The following OSBPL3 variants were observed in gnomAD, a reference collection of about 807,000 sequenced individuals.
OSBPL3 encodes the protein oxysterol-binding protein-related protein 3.
Under a neutral mutation model 120.1 loss-of-function variants are expected in OSBPL3, and 65 were observed. The observed-to-expected ratio is 0.54, with a 90% CI of 0.44 to 0.67. The LOEUF (loss-of-function observed/expected upper bound fraction) is 0.67, where lower values mean the gene tolerates loss of function less well. Ranked by LOEUF, OSBPL3 falls within the 30% of genes least tolerant of loss-of-function variation. OSBPL3 has a pLI of 0.00. For synonymous variants in OSBPL3, 416 were observed against 402.6 expected (o/e 1.03, Z -0.40); for missense variants, 1,004 against 1,082.1 (o/e 0.93, Z 1.01).
rs764592981 is a variant in OSBPL3, at chr7:24,863,835, A to G, written c.674-236T>C. ...TGAATCCACTTAATGAACTGTAACT[A>G]TTGAGAAAATTGCAAAACTGCATGC... On this transcript the variant is annotated intron_variant, in intron 7 of 22. Coordinates refer to ENST00000313367, the MANE Select transcript of OSBPL3 (RefSeq NM_015550.4). The surrounding 1 kb of genome is among the most constrained non-coding windows in gnomAD (Gnocchi z 5.8). Among the ~76,000 whole-genome samples the G allele has an allele frequency of 6.6e-6, 1 of 152,218 alleles. No individual in the cohort carries two copies. Among genetic ancestry groups the G allele is most frequent in the South Asian group, 2.1e-4 (1 of 4,838 alleles).
rs1584284656 is a variant in OSBPL3, at chr7:24,831,504, TTAAAA to T, written c.1747-604_1747-600del. 1.3e-5 allele frequency among the ~76,000 whole-genome samples: 2 copies of T among 151,758 alleles called. No homozygotes were observed. The highest frequency in any genetic ancestry group is 3.9e-4 in the East Asian group (2 of 5,188). On this transcript the variant is annotated intron_variant, in intron 15 of 22. Transcript: ENST00000313367. The surrounding 1 kb of genome is among the most constrained non-coding windows in gnomAD (Gnocchi z 4.0). ...AAAAGTGAAACATCCAAAAAAAAAA[TTAAAA>T]TAAAGAGAGGAAGGAAGAAAAACTT...
chr7:24,809,457 TC>T (rs1477707778), intron 20 of OSBPL3, among the ~76,000 whole-genome samples: 5 of 152,198 alleles, frequency 3.3e-5, no homozygotes, highest in Non-Finnish European at 5.9e-5. Flanking sequence ...TTCCTCTTTG[TC>T]CTTGCTGTAG....
rs770009751 is a variant in OSBPL3 at position 24,891,979 on chromosome 7, C to A, written c.96+398G>T. 6.6e-6 allele frequency among the ~76,000 whole-genome samples: 1 copy of A among 151,998 alleles called. No homozygotes were observed. The highest frequency in any genetic ancestry group is 1.5e-5 in the Non-Finnish European group (1 of 67,970). ...AATGATTGATTGTTTTTTTGTTTTG[C>A]TTAGCAGGATATAAAGGAAAGTGTG... is the stretch of plus-strand genomic sequence containing the variant. On this transcript the variant is annotated intron_variant, in intron 2 of 22. Transcript: ENST00000313367. The surrounding 1 kb of genome is among the most constrained non-coding windows in gnomAD (Gnocchi z 4.1).
intron 1 of OSBPL3, among the ~76,000 whole-genome samples, chr7:24,935,176 A>C (rs1205697784): frequency 6.6e-6 from 1 of 152,170 alleles, no homozygotes; most frequent in African/African-American, 2.4e-5. Flanking sequence ...TTTTTAATTG[A>C]AGAAATATAT....
Position 24,798,834 on chromosome 7 carries a change from A to G in OSBPL3, c.*1349T>C, listed in dbSNP as rs1562737628. ...ATAGCATTGCTATGGACTTTAGAAT[A>G]AGAGGCTTAACAATTAGGCTTTGGT... On this transcript the variant is annotated 3_prime_UTR_variant, in exon 23 of 23. Coordinates refer to ENST00000313367, the MANE Select transcript of OSBPL3 (RefSeq NM_015550.4). The surrounding 1 kb of genome is among the most constrained non-coding windows in gnomAD (Gnocchi z 4.6). 1 of 152,644 alleles carries G rather than the reference A, an allele frequency of 6.6e-6. No homozygotes were observed. The highest frequency in any genetic ancestry group is 1.9e-4 in the East Asian group (1 of 5,198). 9.5% of individuals were successfully genotyped at this position (152,644 alleles called of 1,614,324 possible).
In OSBPL3 at chr7:24,979,920, C is replaced by T. The variant is rs995936887; in HGVS notation, c.-184G>A. On this transcript the variant is annotated 5_prime_UTR_variant, in exon 1 of 23. Coordinates refer to ENST00000313367, the MANE Select transcript of OSBPL3 (RefSeq NM_015550.4). Reference sequence around the variant, plus strand: ...GTGCAGCCGGAGACGCTCCCTAGTTCCCCGGGGCCGGGCTCCGGGGTTAGC... The same window carrying T: ...GTGCAGCCGGAGACGCTCCCTAGTTTCCCGGGGCCGGGCTCCGGGGTTAGC... 2.1e-6 allele frequency: 2 copies of T among 972,586 alleles called. No homozygotes were observed. Among genetic ancestry groups the T allele is most frequent in the Non-Finnish European group, 2.4e-6 (2 of 823,578 alleles). The allele number at this position is 972,586 out of a possible 1,614,324, so 60.2% of individuals were successfully genotyped here.
intron 1 of OSBPL3, among the ~76,000 whole-genome samples, chr7:24,919,186 G>A (rs1481480910): frequency 1.3e-5 from 2 of 152,068 alleles, no homozygotes; most frequent in Non-Finnish European, 2.9e-5. Flanking sequence ...TGTGGGAGAA[G>A]GACAGACATC....
intron 1 of OSBPL3, among the ~76,000 whole-genome samples, chr7:24,893,203 G>T (rs563697908): frequency 1.3e-5 from 2 of 152,274 alleles, no homozygotes; most frequent in East Asian, 3.9e-4. Flanking sequence ...ATTCACAATA[G>T]TCAAAGGTGG....
At position 24,871,401 on chromosome 7, in the gene OSBPL3, C is replaced by A. The variant is rs146769801; in HGVS notation, c.267+341G>T. 4.8e-3 allele frequency among the ~76,000 whole-genome samples: 735 copies of A among 152,268 alleles called. 2 individuals are homozygous for A. The highest frequency in any genetic ancestry group is 6.4e-3 in the Non-Finnish European group (437 of 68,014). On this transcript the variant is annotated intron_variant, in intron 4 of 22. Transcript: ENST00000313367. The surrounding 1 kb of genome is among the most constrained non-coding windows in gnomAD (Gnocchi z 4.8). ...ACTTCTTCACCCAGGGGCTTCTCCCCGGAATCTCTCGGTCACAGTGCAAGA... is the reference window on the plus strand; with the variant it reads ...ACTTCTTCACCCAGGGGCTTCTCCCAGGAATCTCTCGGTCACAGTGCAAGA...
intron 2 of OSBPL3, among the ~76,000 whole-genome samples, chr7:24,886,665 G>T (rs1320589128): frequency 1.3e-5 from 2 of 152,298 alleles, no homozygotes; most frequent in East Asian, 3.9e-4. Context: ...GTATAAACAG[G>T]ACCCAGTACT....
At chr7:24,836,844 A>AT (rs1295583444) in intron 14 of OSBPL3, among the ~76,000 whole-genome samples, 1 of 151,730 alleles carries the variant, frequency 6.6e-6, no homozygotes, top group Non-Finnish European at 1.5e-5. Flanking sequence ...TTTAAAATTA[A>AT]TTTTTTTTGA....
At chr7:24,829,356 C>A (rs1419101594) in intron 16 of OSBPL3, among the ~76,000 whole-genome samples, 1 of 152,182 alleles carries the variant, frequency 6.6e-6, no homozygotes, top group African/African-American at 2.4e-5. Flanking sequence ...TGTTTAATTT[C>A]TTGTTTTAGC....
chr7:24,979,947 C>T lies in OSBPL3; in HGVS notation c.-211G>A. 1.0e-6 allele frequency: 1 copy of T among 979,254 alleles called. No homozygotes were observed. The highest frequency in any genetic ancestry group is 1.2e-6 in the Non-Finnish European group (1 of 827,016). 60.7% of individuals were successfully genotyped at this position (979,254 alleles called of 1,614,324 possible). A position where few individuals can be genotyped will look rare whatever the true frequency, so the allele number is the denominator to read the frequency against. On this transcript the variant is annotated 5_prime_UTR_variant, in exon 1 of 23. Transcript: ENST00000313367. ...CCGGGGCCGGGCTCCGGGGTTAGCG[C>T]ACAGAACCGGGAGAAGGCAACCCCG...
At chr7:24,974,876 G>A (rs753417034) in intron 1 of OSBPL3, among the ~76,000 whole-genome samples, 1 of 152,162 alleles carries the variant, frequency 6.6e-6, no homozygotes. Flanking sequence ...CTGGTAATGG[G>A]TGCAAACTTT....
At chr7:24,976,790 C>T (rs771970669) in intron 1 of OSBPL3, among the ~76,000 whole-genome samples, 2 of 152,148 alleles carry the variant, frequency 1.3e-5, no homozygotes, top group Non-Finnish European at 2.9e-5. Context: ...TACAGTACTG[C>T]CGAGAAGCAC....
intron 1 of OSBPL3, among the ~76,000 whole-genome samples, chr7:24,926,065 G>A (rs1051791091): frequency 1.3e-5 from 2 of 152,228 alleles, no homozygotes; most frequent in Non-Finnish European, 2.9e-5. Context: ...TCCCATAACA[G>A]GGCTAGGTAT....
chr7:24,820,141 A>T lies in OSBPL3; in HGVS notation c.1948+34T>A, dbSNP rs142475863. 5.6e-4 allele frequency: 775 copies of T among 1,384,688 alleles called. 5 individuals are homozygous for T. In the African/African-American group the frequency reaches 9.8e-3, roughly 17 times the overall value. The allele number at this position is 1,384,688 out of a possible 1,614,324, so 85.8% of individuals were successfully genotyped here. ...AAAATAAATAGATAACATATTACAC[A>T]ATATGATGGAAGTAAAATGTATTAG... On this transcript the variant is annotated intron_variant, in intron 17 of 22. Transcript: ENST00000313367. The surrounding 1 kb of genome is among the most constrained non-coding windows in gnomAD (Gnocchi z 4.6).
chr7:24,838,932 A>C (rs1184182976), intron 14 of OSBPL3, among the ~76,000 whole-genome samples: 1 of 152,238 alleles, frequency 6.6e-6, no homozygotes, highest in East Asian at 1.9e-4. Flanking sequence ...TTCATCTCCC[A>C]AGAAACATTT....
rs747664289 is a variant in OSBPL3 at position 24,816,702 on chromosome 7, C to T, written c.1949-14G>A. On this transcript the variant is annotated splice_polypyrimidine_tract_variant and intron_variant, in intron 17 of 22. Coordinates refer to ENST00000313367, the MANE Select transcript of OSBPL3 (RefSeq NM_015550.4). ...TCCATCTCACATCTGAAATGAAATA[C>T]CAAATATTACATTTTTAGCAGGAGA... 1.3e-6 allele frequency: 2 copies of T among 1,532,948 alleles called. No individual in the cohort carries two copies. Among genetic ancestry groups the T allele is most frequent in the South Asian group, 2.2e-5 (2 of 89,312 alleles). The allele number at this position is 1,532,948 out of a possible 1,614,324, so 95.0% of individuals were successfully genotyped here.
Sources: allele counts gnomAD v4.1 joint callset (sites outside exome capture counted in the v4.1 genomes callset), GRCh38; gene constraint gnomAD v4.1.1; non-coding constraint Gnocchi (gnomAD v3.1); transcripts MANE v1.5; gene names NCBI Gene and HGNC (gene_info 2026-07-23, HGNC 2026-07-21).